PCCB: variants seen among roughly 807,000 people sequenced by gnomAD.
The protein encoded by PCCB is propionyl-CoA carboxylase beta chain, mitochondrial.
In PCCB, 43 loss-of-function variants were observed where a neutral mutation model predicts 60.7. The observed-to-expected ratio is 0.71, with a 90% CI of 0.55 to 0.91. The LOEUF (loss-of-function observed/expected upper bound fraction) is 0.91, where lower values mean the gene tolerates loss of function less well. Among genes scored for constraint, PCCB ranks in the 40% least tolerant of loss-of-function variants. PCCB has a pLI of 0.00. For synonymous variants in PCCB, 276 were observed against 255.9 expected (o/e 1.08, Z -0.75); for missense variants, 766 against 702.8 (o/e 1.09, Z -1.02).
intron 10 of PCCB, among the ~76,000 whole-genome samples, chr3:136,320,951 G>C (rs1203169314): frequency 1.3e-5 from 2 of 152,168 alleles, no homozygotes; most frequent in African/African-American, 4.8e-5. Context: ...AATGTTAGCT[G>C]TGGGTTTTTC....
intron 3 of PCCB, chr3:136,259,364 C>T (rs1941761303): frequency 8.0e-6 from 3 of 376,784 alleles, no homozygotes; most frequent in African/African-American, 2.1e-5. Flanking sequence ...ACTCGGGAGG[C>T]TGAGGCAGGA....
At chr3:136,326,658 G>A (rs978539949) in intron 10 of PCCB, 145 bp from the exon 11 acceptor site, 27 of 725,966 alleles carry the variant, frequency 3.7e-5, no homozygotes, top group Non-Finnish European at 5.3e-5. Flanking sequence ...TGGAGTTTGA[G>A]GGGTCCTTGT....
At position 136,258,335 on chromosome 3, in the gene PCCB, C is replaced by T. The variant is rs139154531; in HGVS notation, c.372+1712C>T. Among the ~76,000 whole-genome samples the T allele has an allele frequency of 2.4e-3, 366 of 152,186 alleles. 7 individuals are homozygous for T. The East Asian group carries it at 0.046, about 19-fold the overall frequency. ...ATTTTATAGGCAGAATGGCACAGAACGGATGTAACTACAGAGCACATGGAG... is the reference window on the plus strand; with the variant it reads ...ATTTTATAGGCAGAATGGCACAGAATGGATGTAACTACAGAGCACATGGAG... On this transcript the variant is annotated intron_variant, in intron 3 of 14. Coordinates refer to ENST00000251654, the MANE Select transcript of PCCB (RefSeq NM_000532.5).
At chr3:136,256,217 A>G (rs1033143189) in intron 2 of PCCB, 2 of 587,522 alleles carry the variant, frequency 3.4e-6, no homozygotes, top group African/African-American at 1.9e-5. Flanking sequence ...TGTTGGGACT[A>G]CAGGCGTGAG....
In PCCB at chr3:136,330,167, A is replaced by G; in HGVS notation, c.*141A>G. The G allele has an allele frequency of 6.6e-7, 1 of 1,505,692 alleles. No individual in the cohort carries two copies. The highest frequency in any genetic ancestry group is 9.0e-7 in the Non-Finnish European group (1 of 1,113,932). The allele number at this position is 1,505,692 out of a possible 1,614,324, so 93.3% of individuals were successfully genotyped here. ...ACTAAGTTTATTAAATTCTAGAAAG[A>G]TCTCTTTTGTGCCTTACTGTAAAAT... is the stretch of plus-strand genomic sequence containing the variant. On this transcript the variant is annotated 3_prime_UTR_variant, in exon 15 of 15. Coordinates refer to ENST00000251654, the MANE Select transcript of PCCB (RefSeq NM_000532.5).
chr3:136,257,290 C>T (rs1941697732), intron 3 of PCCB, among the ~76,000 whole-genome samples: 2 of 152,020 alleles, frequency 1.3e-5, no homozygotes, highest in Admixed American at 1.3e-4. Flanking sequence ...TCTGCAGTAC[C>T]TGGCTTTGAA....
At chr3:136,283,999 T>TA in intron 6 of PCCB, 52 bp downstream of exon 6, 1 of 1,084,784 alleles carries the variant, frequency 9.2e-7, no homozygotes, top group Non-Finnish European at 1.4e-6. Context: ...TGCAGTTCCT[T>TA]ACCTGCAATA....
intron 9 of PCCB, among the ~76,000 whole-genome samples, chr3:136,303,318 T>G (rs1463720391): frequency 8.2e-6 from 1 of 121,958 alleles, no homozygotes; most frequent in Non-Finnish European, 1.8e-5. Flanking sequence ...TTTTTGTTGT[T>G]GTTTATTTTG....
chr3:136,262,171 G>A, intron 5 of PCCB, 106 bp downstream of exon 5: 4 of 766,890 alleles, frequency 5.2e-6, no homozygotes, highest in Non-Finnish European at 6.8e-6. Context: ...CTGCCGCATT[G>A]TGTCTGTTCT....
intron 9 of PCCB, among the ~76,000 whole-genome samples, chr3:136,311,960 C>G (rs1576349038): frequency 6.6e-6 from 1 of 152,096 alleles, no homozygotes; most frequent in East Asian, 1.9e-4. Context: ...TACAAAAGTG[C>G]ACATGGAAAA....
chr3:136,270,288 A>G (rs1942158923), intron 5 of PCCB, among the ~76,000 whole-genome samples: 1 of 152,060 alleles, frequency 6.6e-6, no homozygotes, highest in South Asian at 2.1e-4. Context: ...AGTACTTTTG[A>G]ATCAATATTA....
At chr3:136,266,444 C>T (rs2108154365) in intron 5 of PCCB, among the ~76,000 whole-genome samples, 1 of 151,980 alleles carries the variant, frequency 6.6e-6, no homozygotes, top group East Asian at 1.9e-4. Context: ...TTTTTTGAGA[C>T]AGGGTCTCAC....
chr3:136,294,834 T>A (rs560261774), intron 7 of PCCB, among the ~76,000 whole-genome samples: 1 of 151,960 alleles, frequency 6.6e-6, no homozygotes, highest in South Asian at 2.1e-4. Context: ...TCCAGGTTGG[T>A]CTCGAACTCC....
At chr3:136,273,916 A>G in intron 5 of PCCB, among the ~76,000 whole-genome samples, 1 of 144,402 alleles carries the variant, frequency 6.9e-6, no homozygotes, top group Non-Finnish European at 1.5e-5. Flanking sequence ...TGTCTCAAAA[A>G]AAAAAAAAAA....
At chr3:136,268,136 A>ATC (rs1465556201) in intron 5 of PCCB, among the ~76,000 whole-genome samples, 14 of 128,590 alleles carry the variant, frequency 1.1e-4, no homozygotes, top group South Asian at 2.3e-4. Flanking sequence ...ATATATATAT[A>ATC]TATATCTACA....
chr3:136,300,263 C>T (rs373267407), intron 8 of PCCB, among the ~76,000 whole-genome samples: 30 of 152,216 alleles, frequency 2.0e-4, no homozygotes, highest in African/African-American at 3.6e-4. Flanking sequence ...GAGCTTTTTG[C>T]GAAGTTGGGC....
intron 10 of PCCB, among the ~76,000 whole-genome samples, chr3:136,321,578 C>T (rs1169656451): frequency 1.3e-5 from 2 of 152,186 alleles, no homozygotes; most frequent in African/African-American, 2.4e-5. Flanking sequence ...CTCATGAGAA[C>T]TCACACACTA....
intron 9 of PCCB, among the ~76,000 whole-genome samples, chr3:136,314,157 T>C (rs1055147602): frequency 1.6e-4 from 24 of 152,062 alleles, no homozygotes; most frequent in African/African-American, 5.8e-4. Flanking sequence ...TATAAGGTAG[T>C]GCTCAAAGAA....
At position 136,250,438 on chromosome 3, in the gene PCCB, C is replaced by G. The variant is rs1941478618; in HGVS notation, c.63C>G (p.Leu21=). 1.9e-6 allele frequency: 3 copies of G among 1,598,004 alleles called. No individual in the cohort carries two copies. Among genetic ancestry groups the G allele is most frequent in the African/African-American group, 1.3e-5 (1 of 74,716 alleles). The change falls in exon 1 of 15, where the codon CTC becomes CTG. Residue 21 remains leucine (L), a synonymous_variant. Transcript: ENST00000251654. ...GARLSVLASG[L]RAAVRSLCSQ... is the part of the protein sequence containing the mutation. ...GGCTCAGCGTTCTGGCGAGCGGTCT[C>G]CGCGCCGCGGTCCGCAGCCTTTGCA...
Sources: allele counts gnomAD v4.1 joint callset (sites outside exome capture counted in the v4.1 genomes callset), GRCh38; gene constraint gnomAD v4.1.1; transcripts MANE v1.5; gene names NCBI Gene and HGNC (gene_info 2026-07-23, HGNC 2026-07-21).